CACNA2D1: variants seen among roughly 807,000 people sequenced by gnomAD.
CACNA2D1 encodes the protein voltage-dependent calcium channel subunit alpha-2/delta-1.
Under a neutral mutation model 171.5 loss-of-function variants are expected in CACNA2D1, and 53 were observed. That is an observed-to-expected ratio of 0.31 (90% confidence interval 0.25 to 0.39). CACNA2D1 has a LOEUF of 0.39. CACNA2D1 is among the 10% of genes least tolerant of loss of function. The pLI is 1.00. For synonymous variants in CACNA2D1, 442 were observed against 443.1 expected, an observed-to-expected ratio of 1.00 and a Z score of 0.03; for missense variants, 903 against 1,299.8, an observed-to-expected ratio of 0.69 and a Z score of 4.69.
intron 7 of CACNA2D1, among the ~76,000 whole-genome samples, chr7:82,076,961 C>T (rs1206501647): frequency 6.6e-6 from 1 of 152,098 alleles, no homozygotes; most frequent in Non-Finnish European, 1.5e-5. Context: ...AGTTCATAAA[C>T]CTCTTATATG....
In CACNA2D1 at chr7:82,035,400, G is replaced by A. The variant is rs79849286; in HGVS notation, c.1039-2499C>T. 5.8e-3 allele frequency among the ~76,000 whole-genome samples: 873 copies of A among 151,276 alleles called. 13 individuals carry two copies. The highest frequency in any genetic ancestry group is 0.02 in the African/African-American group (841 of 41,382). On this transcript the variant is annotated intron_variant, in intron 11 of 38. Transcript: ENST00000356860. The stretch of plus-strand genomic sequence containing the variant: ...ATAAGATGACTGGAAGTGTTTGAAA[G>A]AAAACACAATATGCTTCAAATTATT...
At chr7:82,002,018 TGACA>T (rs1337103840) in intron 18 of CACNA2D1, among the ~76,000 whole-genome samples, 3 of 30,752 alleles carry the variant, frequency 9.8e-5, no homozygotes, top group Non-Finnish European at 1.6e-4. Context: ...TCCATTGATT[TGACA>T]AAAAAAAAAA....
At chr7:82,128,665 C>A (rs1204825425) in intron 5 of CACNA2D1, among the ~76,000 whole-genome samples, 1 of 152,138 alleles carries the variant, frequency 6.6e-6, no homozygotes, top group Non-Finnish European at 1.5e-5. Flanking sequence ...TGGTGCTACA[C>A]CAGCCTAATA....
At chr7:82,387,701 A>G (rs1414155699) in intron 1 of CACNA2D1, among the ~76,000 whole-genome samples, 1 of 152,218 alleles carries the variant, frequency 6.6e-6, no homozygotes, top group Non-Finnish European at 1.5e-5. Flanking sequence ...TTCTTAGCTA[A>G]ATGCAAGTAA....
intron 18 of CACNA2D1, among the ~76,000 whole-genome samples, chr7:82,002,060 GAA>G (rs1160972990): frequency 7.4e-6 from 1 of 134,802 alleles, no homozygotes; most frequent in African/African-American, 2.7e-5. Flanking sequence ...GAGAGAGAGA[GAA>G]ATAACAATTT....
intron 6 of CACNA2D1, among the ~76,000 whole-genome samples, chr7:82,100,146 T>G (rs1046352866): frequency 7.9e-5 from 12 of 152,238 alleles, no homozygotes; most frequent in East Asian, 1.9e-4. Flanking sequence ...ATATAATTTT[T>G]TGTGTGTGTG....
At position 82,345,681 on chromosome 7, in the gene CACNA2D1, A is replaced by AGTGTGTGTGTGT. The variant is rs3054696; in HGVS notation, c.177+3875_177+3886dup. ...CATTTGCCAGTGCAGTAGCTAAAGGAGTGTGTGTGTGTGTGTGTGTGTGTG... is the reference window on the plus strand; with the variant it reads ...CATTTGCCAGTGCAGTAGCTAAAGGAGTGTGTGTGTGTGTGTGTGTGTGTGTGTGTGTGTGTG... On this transcript the variant is annotated intron_variant, in intron 2 of 38. Transcript: ENST00000356860. Among the ~76,000 whole-genome samples, 649 of 146,432 alleles carry AGTGTGTGTGTGT rather than the reference A, an allele frequency of 4.4e-3. 2 individuals carry two copies. The highest frequency in any genetic ancestry group is 5.1e-3 in the South Asian group (23 of 4,506).
At chr7:82,335,566 C>T (rs1412114062) in intron 2 of CACNA2D1, among the ~76,000 whole-genome samples, 3 of 152,102 alleles carry the variant, frequency 2.0e-5, no homozygotes, top group Non-Finnish European at 2.9e-5. Flanking sequence ...CTGTCATCAG[C>T]ATCGTAAGAG....
chr7:82,223,761 A>T (rs1802039323), intron 3 of CACNA2D1, among the ~76,000 whole-genome samples: 1 of 152,128 alleles, frequency 6.6e-6, no homozygotes. Context: ...CTGATTTCAC[A>T]CTTGTCACCC....
Position 82,051,831 on chromosome 7 carries a change from CCA to C in CACNA2D1, c.879+8595_879+8596del, listed in dbSNP as rs1165617939. Among the ~76,000 whole-genome samples, 3 of 152,282 alleles carry C rather than the reference CCA, an allele frequency of 2.0e-5. No individual in the cohort carries two copies. In the South Asian group the frequency reaches 6.2e-4, roughly 32 times the overall value. On this transcript the variant is annotated intron_variant, in intron 10 of 38. Transcript: ENST00000356860. ...ATTGAATTGCTGCTCCTATCATCTA[CCA>C]CTGACTCCTATCAAAGCATATAACT...
chr7:82,359,769 T>A (rs570112921), intron 1 of CACNA2D1, among the ~76,000 whole-genome samples: 27 of 152,310 alleles, frequency 1.8e-4, no homozygotes, highest in African/African-American at 6.5e-4. Flanking sequence ...CCAACAATAT[T>A]TAATTTCCTT....
chr7:82,213,093 G>T (rs1800741417), intron 3 of CACNA2D1, among the ~76,000 whole-genome samples: 2 of 152,032 alleles, frequency 1.3e-5, no homozygotes, highest in South Asian at 2.1e-4. Context: ...TAGAGACGGG[G>T]TTTCACCATG....
intron 5 of CACNA2D1, among the ~76,000 whole-genome samples, chr7:82,122,471 A>G (rs949818125): frequency 6.6e-6 from 1 of 152,222 alleles, no homozygotes; most frequent in Non-Finnish European, 1.5e-5. Context: ...GCCTATCACA[A>G]GACCTAGCAG....
chr7:82,135,470 T>A (rs1282360449), intron 5 of CACNA2D1, among the ~76,000 whole-genome samples: 3 of 152,006 alleles, frequency 2.0e-5, no homozygotes, highest in Non-Finnish European at 4.4e-5. Flanking sequence ...CACCTATGTC[T>A]AGAGGAAAAA....
At chr7:82,232,666 C>T (rs577240634) in intron 3 of CACNA2D1, among the ~76,000 whole-genome samples, 8 of 151,874 alleles carry the variant, frequency 5.3e-5, no homozygotes, top group African/African-American at 1.7e-4. Flanking sequence ...GAGATGGAGA[C>T]CATCCTGGCT....
intron 3 of CACNA2D1, among the ~76,000 whole-genome samples, chr7:82,273,484 TA>T (rs1159255736): frequency 2.0e-5 from 3 of 151,508 alleles, no homozygotes; most frequent in African/African-American, 7.3e-5. Context: ...TAATATTTTC[TA>T]TTTTATTATT....
intron 1 of CACNA2D1, chr7:82,410,373 T>C (rs1365249595): frequency 1.0e-5 from 3 of 288,534 alleles, no homozygotes; most frequent in East Asian, 3.5e-4. Flanking sequence ...CATAGCGGTT[T>C]ACCTAATCCA....
At chr7:81,976,509 T>C (rs1388748613) in intron 24 of CACNA2D1, among the ~76,000 whole-genome samples, 1 of 152,220 alleles carries the variant, frequency 6.6e-6, no homozygotes, top group Non-Finnish European at 1.5e-5. Context: ...TTTGTAGCAA[T>C]TGTGAATGGG....
intron 26 of CACNA2D1, 170 bp from the exon 27 acceptor site, chr7:81,970,907 A>G: frequency 1.7e-6 from 1 of 590,272 alleles, no homozygotes; most frequent in Non-Finnish European, 3.1e-6. Flanking sequence ...TACTTGAAGG[A>G]TGTTTAAGGA....
Sources: gnomAD v4.1 joint callset for allele counts (sites outside exome capture counted in the v4.1 genomes callset) on GRCh38, gnomAD v4.1.1 for gene constraint, MANE v1.5 for transcripts, NCBI Gene and HGNC (gene_info 2026-07-23, HGNC 2026-07-21) for gene names.